Variants in RP1 observed in about 807,000 individuals in gnomAD.
RP1 encodes the protein oxygen-regulated protein 1.
A neutral mutation model predicts 14.8 loss-of-function variants in RP1; 16 were observed. The ratio of observed to expected loss-of-function variants is 1.08; its 90% CI spans 0.73 to 1.65. The LOEUF is 1.65. RP1 is among the 40% of genes most tolerant of loss of function. The pLI is 0.00. For synonymous variants in RP1, 876 were observed against 883.6 expected (o/e 0.99, Z 0.15); for missense variants, 2,631 against 2,535.0 (o/e 1.04, Z -0.81).
At chr8:54,568,521 G>A (rs1332022207) in intron 1 of RP1, among the ~76,000 whole-genome samples, 1 of 152,198 alleles carries the variant, frequency 6.6e-6, no homozygotes, top group East Asian at 1.9e-4. Flanking sequence ...GGAGTAGGAT[G>A]TTTCTGTACC....
At chr8:54,783,470 A>C (rs1027172875) in intron 23 of RP1, 39 of 683,450 alleles carry the variant, frequency 5.7e-5, no homozygotes, top group Non-Finnish European at 7.6e-5. Context: ...AAGTAGATTA[A>C]GTAGAAATCC....
intron 12 of RP1, among the ~76,000 whole-genome samples, chr8:54,683,134 C>T (rs1807475710): frequency 6.6e-6 from 1 of 152,110 alleles, no homozygotes; most frequent in Non-Finnish European, 1.5e-5. Flanking sequence ...TTTCTGAGGC[C>T]TCTGTTCTGT....
Position 54,630,546 on chromosome 8 carries a change from A to G in RP1, c.*193A>G. The G allele has an allele frequency of 7.2e-7, 1 of 1,384,482 alleles. No homozygotes were observed. Among genetic ancestry groups the G allele is most frequent in the South Asian group, 1.6e-5 (1 of 61,128 alleles). 85.8% of individuals were successfully genotyped at this position (1,384,482 alleles called of 1,614,324 possible). A position where few individuals can be genotyped will look rare whatever the true frequency, so the allele number is the denominator to read the frequency against. The stretch of plus-strand genomic sequence containing the variant: ...TGTTTTTTGTTTTTCCAACAATTAC[A>G]GACTCAGGTTCTCTTATTTTGGAAG... On this transcript the variant is annotated 3_prime_UTR_variant, in exon 4 of 4. Transcript: ENST00000220676.
At chr8:54,769,717 T>C (rs1809855685) in intron 22 of RP1, 12 of 1,409,504 alleles carry the variant, frequency 8.5e-6, no homozygotes, top group Admixed American at 2.2e-5. Flanking sequence ...CTCTCTTTCT[T>C]TCTCTCTCTC....
At chr8:54,722,938 T>A (rs912332552) in intron 16 of RP1, among the ~76,000 whole-genome samples, 13 of 152,176 alleles carry the variant, frequency 8.5e-5, no homozygotes, top group African/African-American at 3.1e-4. Flanking sequence ...CTGCTCAGCC[T>A]ACAACGAGGG....
At chr8:54,600,623 G>C (rs569926127) in intron 1 of RP1, among the ~76,000 whole-genome samples, 78 of 152,226 alleles carry the variant, frequency 5.1e-4, no homozygotes, top group African/African-American at 1.7e-3. Flanking sequence ...AGGGAAGAGA[G>C]GGATGCCTCA....
intron 15 of RP1, among the ~76,000 whole-genome samples, chr8:54,714,125 C>T (rs542262917): frequency 1.3e-5 from 2 of 152,246 alleles, no homozygotes; most frequent in African/African-American, 4.8e-5. Flanking sequence ...GGGGTTTCAC[C>T]ATGTTGTCCA....
At chr8:54,843,792 C>T (rs1021982144) in intron 25 of RP1, among the ~76,000 whole-genome samples, 2 of 152,136 alleles carry the variant, frequency 1.3e-5, no homozygotes, top group African/African-American at 4.8e-5. Context: ...TGCACAGCAT[C>T]GCAGGGCTCA....
At chr8:54,740,514 G>A (rs1302263397) in intron 19 of RP1, among the ~76,000 whole-genome samples, 1 of 151,274 alleles carries the variant, frequency 6.6e-6, no homozygotes, top group Non-Finnish European at 1.5e-5. Context: ...ATGAGGTCAG[G>A]AGTTCAAGAC....
intron 12 of RP1, among the ~76,000 whole-genome samples, chr8:54,683,951 T>G (rs1807493725): frequency 6.6e-6 from 1 of 151,998 alleles, no homozygotes; most frequent in South Asian, 2.1e-4. Flanking sequence ...TATATGGCTC[T>G]TATTATTTTG....
intron 1 of RP1, among the ~76,000 whole-genome samples, chr8:54,617,463 G>A (rs935205329): frequency 2.0e-5 from 3 of 152,340 alleles, no homozygotes; most frequent in Middle Eastern, 3.4e-3. Context: ...ACTCAAAAAC[G>A]TTATGGAGGG....
At chr8:54,658,440 A>G (rs374742578) in intron 6 of RP1, among the ~76,000 whole-genome samples, 2 of 148,654 alleles carry the variant, frequency 1.3e-5, no homozygotes, top group East Asian at 4.0e-4. Flanking sequence ...AGTCCCAGCT[A>G]CTTGGGAGGC....
intron 22 of RP1, chr8:54,759,179 T>A (rs1464506559): frequency 8.4e-7 from 1 of 1,196,206 alleles, no homozygotes. Flanking sequence ...TGTGTGTATC[T>A]TTTAGGTCAC....
chr8:54,845,923 G>A (rs1449032730), intron 25 of RP1, among the ~76,000 whole-genome samples: 1 of 152,124 alleles, frequency 6.6e-6, no homozygotes, highest in Non-Finnish European at 1.5e-5. Context: ...AATGTTCTAT[G>A]CATTTATAGA....
intron 27 of RP1, among the ~76,000 whole-genome samples, chr8:54,857,542 T>C (rs1812234002): frequency 6.6e-6 from 1 of 151,914 alleles, no homozygotes. Context: ...AATGTAAATT[T>C]ATGAAGTTTT....
At chr8:54,765,224 C>T (rs1197373388) in intron 22 of RP1, among the ~76,000 whole-genome samples, 1 of 152,210 alleles carries the variant, frequency 6.6e-6, no homozygotes, top group Non-Finnish European at 1.5e-5. Flanking sequence ...GCAACTCTAG[C>T]GGTTATTCCA....
chr8:54,652,721 CT>C lies in RP1; in HGVS notation c.952-58del, dbSNP rs901628192. The C allele has an allele frequency of 1.9e-5, 22 of 1,135,634 alleles. No individual in the cohort carries two copies. The African/African-American group carries it at 2.9e-4, about 15-fold the overall frequency. 70.3% of individuals were successfully genotyped at this position (1,135,634 alleles called of 1,614,324 possible). ...TCAACATTTCATGTCCTAATCTGAG[CT>C]GTTTTTAAGTGAATTTTGTGAAATT... is the stretch of plus-strand genomic sequence containing the variant. On this transcript the variant is annotated intron_variant, in intron 4 of 22. Transcript: ENST00000636932.
At chr8:54,817,704 G>A (rs953267879) in intron 24 of RP1, among the ~76,000 whole-genome samples, 2 of 152,106 alleles carry the variant, frequency 1.3e-5, no homozygotes, top group African/African-American at 4.8e-5. Context: ...CACTTATGTA[G>A]GGAGACTTTC....
intron 24 of RP1, among the ~76,000 whole-genome samples, chr8:54,836,944 G>T (rs1811671177): frequency 6.6e-6 from 1 of 151,974 alleles, no homozygotes; most frequent in Admixed American, 6.6e-5. Context: ...TAGAATATTT[G>T]TCATACTGAA....
Sources: allele counts gnomAD v4.1 joint callset (sites outside exome capture counted in the v4.1 genomes callset), GRCh38; gene constraint gnomAD v4.1.1; transcripts MANE v1.5; gene names NCBI Gene and HGNC (gene_info 2026-07-23, HGNC 2026-07-21).